Variants in CARMIL2 observed in about 807,000 individuals in gnomAD.
The protein encoded by CARMIL2 is capping protein regulator and myosin 1 linker 2.
CARMIL2 carries 96 observed loss-of-function variants against 173.3 expected under a neutral mutation model. The ratio of observed to expected loss-of-function variants is 0.55; its 90% CI spans 0.47 to 0.66. CARMIL2 has a LOEUF of 0.66. Among genes scored for constraint, CARMIL2 ranks in the 30% least tolerant of loss-of-function variants. The probability of loss-of-function intolerance (pLI) is 0.00; values close to 1 mark genes in which losing one functional copy is unlikely to be tolerated. For missense variants in CARMIL2, 1,771 were observed against 1,906.7 expected (o/e 0.93, Z 1.33); for synonymous variants, 830 against 817.1 (o/e 1.02, Z -0.27).
At position 67,646,844 on chromosome 16, in the gene CARMIL2, C is replaced by A. The variant is rs989522619; in HGVS notation, c.538-56C>A. On this transcript the variant is annotated intron_variant, in intron 7 of 37. Transcript: ENST00000334583. The surrounding 1 kb of genome is among the most constrained non-coding windows in gnomAD (Gnocchi z 4.6). ...CATCTGGTCCCCCATGTGTGCTGAG[C>A]CCCTCCCTGCCCCTTGTGGCCCCAG... The A allele has an allele frequency of 6.2e-7, 1 of 1,611,784 alleles. No homozygotes were observed. The highest frequency in any genetic ancestry group is 1.7e-4 in the Middle Eastern group (1 of 6,060).
In CARMIL2 at chr16:67,649,095, G is replaced by A. The variant is rs368047747; in HGVS notation, c.1611G>A (p.Val537=). Residue 537 remains valine, a synonymous_variant, in exon 18 of 38, where the codon GTG becomes GTA. Transcript: ENST00000334583. The surrounding 1 kb of genome is among the most constrained non-coding windows in gnomAD (Gnocchi z 6.7). The part of the protein sequence containing the change: ...LADNGFGSDM[V]TLVLAIGRSR... ...CCCCAGGCTTCGGCTCAGACATGGT[G>A]ACTCTGGTGCTGGCCATCGGGAGAA... The A allele has an allele frequency of 6.2e-7, 1 of 1,613,120 alleles. No individual in the cohort carries two copies.
Position 67,653,803 on chromosome 16 carries a change from A to T in CARMIL2, c.3121-346A>T, listed in dbSNP as rs2052776442. ...GTGGGGGTGGGGTGGGGGACACTGCAGGGAACTGTTCGGAGCAGAGCTGGT... is the reference window on the plus strand; with the variant it reads ...GTGGGGGTGGGGTGGGGGACACTGCTGGGAACTGTTCGGAGCAGAGCTGGT... On this transcript the variant is annotated intron_variant, in intron 29 of 37. Transcript: ENST00000334583. The surrounding 1 kb of genome is among the most constrained non-coding windows in gnomAD (Gnocchi z 7.4). Among the ~76,000 whole-genome samples the T allele has an allele frequency of 6.6e-6, 1 of 151,912 alleles. No individual in the cohort carries two copies. The highest frequency in any genetic ancestry group is 6.5e-5 in the Admixed American group (1 of 15,286).
chr16:67,652,608 G>T lies in CARMIL2; in HGVS notation c.2884+70G>T. ...AGCTCCATTAGACTTGGGGACCCGG[G>T]GACCTGGATGAACTCATTCAGCCTT... On this transcript the variant is annotated intron_variant, in intron 28 of 37. Coordinates refer to ENST00000334583, the MANE Select transcript of CARMIL2 (RefSeq NM_001013838.3). The surrounding 1 kb of genome is among the most constrained non-coding windows in gnomAD (Gnocchi z 4.7). 6.9e-7 allele frequency: 1 copy of T among 1,446,284 alleles called. No individual in the cohort carries two copies. 89.6% of individuals were successfully genotyped at this position (1,446,284 alleles called of 1,614,324 possible).
chr16:67,646,393 T>C lies in CARMIL2; in HGVS notation c.375-33T>C, dbSNP rs1597742957. 6.2e-7 allele frequency: 1 copy of C among 1,607,742 alleles called. No individual in the cohort carries two copies. Among genetic ancestry groups the C allele is most frequent in the Non-Finnish European group, 8.5e-7 (1 of 1,175,918 alleles). On this transcript the variant is annotated intron_variant, in intron 5 of 37. Coordinates refer to ENST00000334583, the MANE Select transcript of CARMIL2 (RefSeq NM_001013838.3). This position sits in a 1 kb window ranked among gnomAD's most constrained non-coding sequence, Gnocchi z 4.6. Reference sequence around the variant, plus strand: ...TGCTTCCCATCCCAGAGGCTGGAAGTCCTTTGCCCCCTTCTCCTTAACCCC... The same window carrying C: ...TGCTTCCCATCCCAGAGGCTGGAAGCCCTTTGCCCCCTTCTCCTTAACCCC...
chr16:67,649,974 C>T lies in CARMIL2; in HGVS notation c.2082+6C>T, dbSNP rs376706340. 9.9e-6 allele frequency: 16 copies of T among 1,613,140 alleles called. No individual in the cohort carries two copies. The highest frequency in any genetic ancestry group is 3.3e-4 in the Middle Eastern group (2 of 6,084). ...CAGCACGTGCAGTCCATCAGGTGGG[C>T]GTCCCCCTCTTCCCTTGCCCTTCTC... On this transcript the variant is annotated splice_donor_region_variant and intron_variant, in intron 21 of 37. Coordinates refer to ENST00000334583, the MANE Select transcript of CARMIL2 (RefSeq NM_001013838.3). The surrounding 1 kb of genome is among the most constrained non-coding windows in gnomAD (Gnocchi z 6.7).
In CARMIL2 at chr16:67,645,521, G is replaced by T; in HGVS notation, c.41-19G>T. 1 of 1,576,192 alleles carries T rather than the reference G, an allele frequency of 6.3e-7. No homozygotes were observed. The highest frequency in any genetic ancestry group is 8.6e-7 in the Non-Finnish European group (1 of 1,160,628). The stretch of plus-strand genomic sequence containing the variant: ...TCTGTGCAAGGACTGAAGTCACCCA[G>T]CAGGCTGCCCTTCCACAGGCGAGAT... On this transcript the variant is annotated intron_variant, in intron 1 of 37. Transcript: ENST00000334583.
chr16:67,649,508 G>C lies in CARMIL2; in HGVS notation c.1808G>C (p.Arg603Pro). ...AAGCTGGGTGCCAGCGTCCTACTCC[G>C]GGCCCTAGCCACCAATCCTAACCTG... ...RLKLGASVLL[R>P]ALATNPNLTA... Residue 603 changes from arginine (R) to proline (P), a missense_variant, in exon 20 of 38, where the codon CGG (arginine) becomes CCG (proline). Coordinates refer to ENST00000334583, the MANE Select transcript of CARMIL2 (RefSeq NM_001013838.3). This position sits in a 1 kb window ranked among gnomAD's most constrained non-coding sequence, Gnocchi z 6.7. 6.2e-7 allele frequency: 1 copy of C among 1,608,920 alleles called. No individual in the cohort carries two copies.
chr16:67,649,905 A>T lies in CARMIL2; in HGVS notation c.2019A>T (p.Pro673=). The change falls in exon 21 of 38, where the codon CCA becomes CCT. Residue 673 remains proline, a synonymous_variant. Transcript: ENST00000334583. This position sits in a 1 kb window ranked among gnomAD's most constrained non-coding sequence, Gnocchi z 6.7. Reference sequence around the variant, plus strand: ...ACAGCCTGAAGGCCATGCCTCTGCCACTGAACGACGTGGCCCAGGCGCAGC... The same window carrying T: ...ACAGCCTGAAGGCCATGCCTCTGCCTCTGAACGACGTGGCCCAGGCGCAGC... ...QNHSLKAMPL[P]LNDVAQAQRS... The T allele has an allele frequency of 6.2e-7, 1 of 1,613,024 alleles. No individual in the cohort carries two copies. Among genetic ancestry groups the T allele is most frequent in the Non-Finnish European group, 8.5e-7 (1 of 1,179,810 alleles).
At chr16:67,645,438 C>A in intron 1 of CARMIL2, 102 bp from the exon 2 acceptor site, 1 of 1,375,642 alleles carries the variant, frequency 7.3e-7, no homozygotes. Context: ...TCCTTCCTCG[C>A]TGGCCGCAGA....
At position 67,649,687 on chromosome 16, in the gene CARMIL2, G is replaced by T; in HGVS notation, c.1919+68G>T. The T allele has an allele frequency of 6.4e-7, 1 of 1,560,486 alleles. No homozygotes were observed. On this transcript the variant is annotated intron_variant, in intron 20 of 37. Coordinates refer to ENST00000334583, the MANE Select transcript of CARMIL2 (RefSeq NM_001013838.3). This position sits in a 1 kb window ranked among gnomAD's most constrained non-coding sequence, Gnocchi z 6.7. ...GGTGGAGAGGAGGGCACCGGGCTAA[G>T]GGGAGGGACTGAATGAGGCGGAGCA... is the stretch of plus-strand genomic sequence containing the variant.
Position 67,646,575 on chromosome 16 carries a change from A to C in CARMIL2, c.466+58A>C. ...GCCTGCCCCACCTCTGCCTCCCCAG[A>C]CCCGCAAGCTGGGGGGGCCCCAAAC... On this transcript the variant is annotated intron_variant, in intron 6 of 37. Transcript: ENST00000334583. The surrounding 1 kb of genome is among the most constrained non-coding windows in gnomAD (Gnocchi z 4.6). The C allele has an allele frequency of 1.9e-6, 3 of 1,585,252 alleles. No homozygotes were observed. Among genetic ancestry groups the C allele is most frequent in the Non-Finnish European group, 2.6e-6 (3 of 1,157,848 alleles).
Position 67,648,734 on chromosome 16 carries a change from C to T in CARMIL2, c.1489C>T (p.Leu497=), listed in dbSNP as rs1422213638. 1.7e-5 allele frequency: 28 copies of T among 1,607,386 alleles called. No individual in the cohort carries two copies. Among genetic ancestry groups the T allele is most frequent in the Non-Finnish European group, 2.3e-5 (27 of 1,177,246 alleles). Residue 497 remains leucine, a synonymous_variant, in exon 16 of 38, where the codon CTG becomes TTG. Transcript: ENST00000334583. The surrounding 1 kb of genome is among the most constrained non-coding windows in gnomAD (Gnocchi z 6.1). ...CAACACGCACCTCCGCGACCTGCACCTGGACCTCAGCGCTTGCGAGGTGAG... is the reference window on the plus strand; with the variant it reads ...CAACACGCACCTCCGCGACCTGCACTTGGACCTCAGCGCTTGCGAGGTGAG... ...ALNTHLRDLH[L]DLSACELRSA... is the part of the protein sequence containing the mutation.
chr16:67,647,485 C>T (rs762735848), intron 10 of CARMIL2, 23 bp from the exon 11 acceptor site: 6 of 1,582,528 alleles, frequency 3.8e-6, no homozygotes. Context: ...GGCAGAATCT[C>T]ATGCCTGGGG....
At position 67,651,902 on chromosome 16, in the gene CARMIL2, T is replaced by C. The variant is rs2052731532; in HGVS notation, c.2589-19T>C. ...TGAGCAAAGCCAGCCCATTAACCCC[T>C]GTCCTCTCCTGCCCTTAGGGACATG... On this transcript the variant is annotated intron_variant, in intron 25 of 37. Coordinates refer to ENST00000334583, the MANE Select transcript of CARMIL2 (RefSeq NM_001013838.3). The surrounding 1 kb of genome is among the most constrained non-coding windows in gnomAD (Gnocchi z 4.2). 2.5e-6 allele frequency: 4 copies of C among 1,613,274 alleles called. No individual in the cohort carries two copies. Among genetic ancestry groups the C allele is most frequent in the Admixed American group, 1.7e-5 (1 of 60,026 alleles).
In CARMIL2 at chr16:67,646,622, C is replaced by A; in HGVS notation, c.467-92C>A. 1 of 1,571,176 alleles carries A rather than the reference C, an allele frequency of 6.4e-7. No homozygotes were observed. The highest frequency in any genetic ancestry group is 8.8e-7 in the Non-Finnish European group (1 of 1,141,994). On this transcript the variant is annotated intron_variant, in intron 6 of 37. Coordinates refer to ENST00000334583, the MANE Select transcript of CARMIL2 (RefSeq NM_001013838.3). The surrounding 1 kb of genome is among the most constrained non-coding windows in gnomAD (Gnocchi z 4.6). The stretch of plus-strand genomic sequence containing the variant: ...AAACTGAACAGAGCCATTCAGGTCC[C>A]AGCCACCACCTAGTCTGTGGGTCTG...
chr16:67,652,106 G>A lies in CARMIL2; in HGVS notation c.2677-93G>A. 6.3e-7 allele frequency: 1 copy of A among 1,597,322 alleles called. No homozygotes were observed. The highest frequency in any genetic ancestry group is 1.1e-5 in the South Asian group (1 of 90,436). On this transcript the variant is annotated intron_variant, in intron 26 of 37. Transcript: ENST00000334583. The surrounding 1 kb of genome is among the most constrained non-coding windows in gnomAD (Gnocchi z 4.7). ...GCTCTGTAATGTCTTCTGGGGTCAT[G>A]TAGCCCAGGGCTATTTCAGGGTCCC...
rs1325848441 is a variant in CARMIL2, at chr16:67,645,500, T to G, written c.41-40T>G. 2.4e-5 allele frequency: 37 copies of G among 1,533,470 alleles called. No individual in the cohort carries two copies. In the Middle Eastern group the frequency reaches 5.2e-4, roughly 21 times the overall value. 95.0% of individuals were successfully genotyped at this position (1,533,470 alleles called of 1,614,324 possible). On this transcript the variant is annotated intron_variant, in intron 1 of 37. Coordinates refer to ENST00000334583, the MANE Select transcript of CARMIL2 (RefSeq NM_001013838.3). ...AGACTGTGGGCACCAGTGGCTTCTG[T>G]GCAAGGACTGAAGTCACCCAGCAGG...
chr16:67,649,141 G>A lies in CARMIL2; in HGVS notation c.1657G>A (p.Ala553Thr), dbSNP rs2052663957. The change falls in exon 18 of 38, where the codon GCG becomes ACG. Residue 553 changes from alanine (A) to threonine (T), a missense_variant. By Grantham distance (58) the Ala-to-Thr change is moderately conservative (BLOSUM62 0). Transcript: ENST00000334583. The surrounding 1 kb of genome is among the most constrained non-coding windows in gnomAD (Gnocchi z 6.7). ...GAGAAGCCGGTCCCTGAGACATGTG[G>A]CGCTTGGAAGGAACTTCAACGTCCG... ...IGRSRSLRHV[A>T]LGRNFNVRCK... The A allele has an allele frequency of 6.2e-7, 1 of 1,613,500 alleles. No individual in the cohort carries two copies. Among genetic ancestry groups the A allele is most frequent in the Non-Finnish European group, 8.5e-7 (1 of 1,179,810 alleles).
chr16:67,649,926 G>T lies in CARMIL2; in HGVS notation c.2040G>T (p.Ala680=), dbSNP rs555763719. Residue 680 remains alanine, a synonymous_variant, in exon 21 of 38, where the codon GCG becomes GCT. Coordinates refer to ENST00000334583, the MANE Select transcript of CARMIL2 (RefSeq NM_001013838.3). This position sits in a 1 kb window ranked among gnomAD's most constrained non-coding sequence, Gnocchi z 6.7. ...MPLPLNDVAQ[A]QRSRPELTAR... The stretch of plus-strand genomic sequence containing the variant: ...TGCCACTGAACGACGTGGCCCAGGC[G>T]CAGCGCAGCCGCCCGGAACTGACAG... The T allele has an allele frequency of 2.4e-5, 39 of 1,613,192 alleles. No homozygotes were observed. The highest frequency in any genetic ancestry group is 1.9e-4 in the South Asian group (17 of 91,078).
Sources: allele counts gnomAD v4.1 joint callset (sites outside exome capture counted in the v4.1 genomes callset), GRCh38; gene constraint gnomAD v4.1.1; non-coding constraint Gnocchi (gnomAD v3.1); transcripts MANE v1.5; gene names NCBI Gene and HGNC (gene_info 2026-07-23, HGNC 2026-07-21).